Variants in LNX1 observed in about 807,000 individuals in gnomAD.
The protein encoded by LNX1 is ligand of numb-protein X 1.
Under a neutral mutation model 68.4 loss-of-function variants are expected in LNX1, and 54 were observed. That is an observed-to-expected ratio of 0.79 (90% confidence interval 0.63 to 0.99). The LOEUF (loss-of-function observed/expected upper bound fraction) is 0.99. Among genes scored for constraint, LNX1 ranks in the 50% least tolerant of loss-of-function variants. LNX1 has a pLI of 0.00. For missense variants in LNX1, 906 were observed against 926.4 expected (o/e 0.98, Z 0.29); for synonymous variants, 336 against 350.0 (o/e 0.96, Z 0.45).
intron 1 of LNX1, among the ~76,000 whole-genome samples, chr4:53,590,924 A>T (rs1209397672): frequency 1.3e-5 from 2 of 152,100 alleles, no homozygotes; most frequent in African/African-American, 2.4e-5. Flanking sequence ...GGGGGAAAGA[A>T]AAAAAAACTA....
chr4:53,515,297 A>G (rs1489620806), intron 2 of LNX1, among the ~76,000 whole-genome samples: 1 of 152,238 alleles, frequency 6.6e-6, no homozygotes, highest in Non-Finnish European at 1.5e-5. Flanking sequence ...ACAGAGCTAT[A>G]CAGTAAACAT....
rs1293832820 is a variant in LNX1, at chr4:53,461,694, T to C, written c.1893-101A>G. 3 of 891,608 alleles carry C rather than the reference T, an allele frequency of 3.4e-6. No individual in the cohort carries two copies. In the African/African-American group the frequency reaches 5.0e-5, roughly 15 times the overall value. The allele number at this position is 891,608 out of a possible 1,614,324, so 55.2% of individuals were successfully genotyped here. On this transcript the variant is annotated intron_variant, in intron 9 of 10. Coordinates refer to ENST00000263925, the MANE Select transcript of LNX1 (RefSeq NM_001126328.3). ...CCATTCCTTTTGTTGGCATTTTTAA[T>C]GGCTAAGTACCACTGCATAGGTCCC...
At chr4:53,551,411 C>T (rs896852872) in intron 2 of LNX1, among the ~76,000 whole-genome samples, 2 of 152,148 alleles carry the variant, frequency 1.3e-5, no homozygotes, top group East Asian at 1.9e-4. Flanking sequence ...AACTGGTGAT[C>T]AGCTTCCTAG....
At chr4:53,557,819 A>AC in intron 2 of LNX1, 1 of 1,605,924 alleles carries the variant, frequency 6.2e-7, no homozygotes, top group Non-Finnish European at 8.5e-7. Context: ...CTCGGGTCCC[A>AC]CCCCCAACAT....
intron 1 of LNX1, among the ~76,000 whole-genome samples, chr4:53,576,558 C>A (rs1731499805): frequency 1.3e-5 from 2 of 152,040 alleles, no homozygotes; most frequent in Admixed American, 1.3e-4. Flanking sequence ...ATTCTTCTGC[C>A]TTAAATCCCT....
upstream of LNX1, among the ~76,000 whole-genome samples, chr4:53,592,326 A>G (rs1311358102): frequency 6.6e-6 from 1 of 152,148 alleles, no homozygotes; most frequent in Non-Finnish European, 1.5e-5. Context: ...GTGGTGTGTG[A>G]CCCTGGACAA....
At chr4:53,575,361 G>A (rs1731416822) in intron 1 of LNX1, among the ~76,000 whole-genome samples, 1 of 152,168 alleles carries the variant, frequency 6.6e-6, no homozygotes, top group Non-Finnish European at 1.5e-5. Context: ...CAATAATCAA[G>A]TTTTTCAACA....
chr4:53,533,251 C>T (rs1448189424), intron 2 of LNX1, among the ~76,000 whole-genome samples: 1 of 152,110 alleles, frequency 6.6e-6, no homozygotes, highest in Non-Finnish European at 1.5e-5. Flanking sequence ...AAGAGAGGTC[C>T]AATAGAACAT....
intron 1 of LNX1, among the ~76,000 whole-genome samples, chr4:53,588,588 C>G (rs1490815795): frequency 6.6e-6 from 1 of 152,146 alleles, no homozygotes; most frequent in Non-Finnish European, 1.5e-5. Flanking sequence ...CCCAGTCCCC[C>G]CAGTCAGTCT....
At chr4:53,521,258 T>C (rs528128335) in intron 2 of LNX1, among the ~76,000 whole-genome samples, 5 of 152,302 alleles carry the variant, frequency 3.3e-5, no homozygotes, top group Admixed American at 6.5e-5. Flanking sequence ...GTGAAGTCTA[T>C]GCAACCCCAG....
chr4:53,579,243 C>G (rs1560678383), intron 1 of LNX1: 1 of 984,050 alleles, frequency 1.0e-6, no homozygotes, highest in Non-Finnish European at 1.2e-6. Context: ...GATTGATTCC[C>G]TCCTTACGTA....
intron 5 of LNX1, among the ~76,000 whole-genome samples, chr4:53,497,443 C>T (rs993119615): frequency 2.0e-5 from 3 of 152,238 alleles, no homozygotes; most frequent in African/African-American, 4.8e-5. Context: ...CACCTGTTCT[C>T]TGGTGCAGCT....
intron 2 of LNX1, among the ~76,000 whole-genome samples, chr4:53,559,165 C>T (rs766690663): frequency 1.3e-5 from 2 of 152,110 alleles, no homozygotes; most frequent in South Asian, 2.1e-4. Flanking sequence ...CAGGATGAGA[C>T]GAGTTGCAAT....
intron 2 of LNX1, among the ~76,000 whole-genome samples, chr4:53,569,984 G>A (rs1731027723): frequency 6.6e-6 from 1 of 152,202 alleles, no homozygotes; most frequent in Non-Finnish European, 1.5e-5. Context: ...ACACCAGTTA[G>A]AATGGCGATC....
chr4:53,585,009 G>A (rs184021664), intron 1 of LNX1, among the ~76,000 whole-genome samples: 41 of 151,908 alleles, frequency 2.7e-4, no homozygotes, highest in African/African-American at 7.5e-4. Flanking sequence ...TTGTCTTCCT[G>A]GGTAGTCCAG....
intron 5 of LNX1, 47 bp from the exon 6 acceptor site, chr4:53,496,441 C>G (rs763853431): frequency 1.5e-5 from 23 of 1,547,852 alleles, no homozygotes; most frequent in Non-Finnish European, 1.7e-5. Flanking sequence ...CCTGCCACAA[C>G]CCTTCCTGAA....
At chr4:53,561,731 A>G (rs1036567128) in intron 2 of LNX1, among the ~76,000 whole-genome samples, 1 of 152,180 alleles carries the variant, frequency 6.6e-6, no homozygotes, top group African/African-American at 2.4e-5. Flanking sequence ...TCTTGGGCCA[A>G]TTACATCACG....
chr4:53,645,122 T>G (rs1360682063), intron 1 of LNX1, among the ~76,000 whole-genome samples: 7 of 152,158 alleles, frequency 4.6e-5, no homozygotes, highest in Admixed American at 3.3e-4. Flanking sequence ...AACTCTATTT[T>G]TGCCTGTGTT....
At chr4:53,600,342 G>A (rs575970507) in intron 2 of LNX1, among the ~76,000 whole-genome samples, 17 of 152,266 alleles carry the variant, frequency 1.1e-4, no homozygotes, top group African/African-American at 4.1e-4. Context: ...GAGTGGGAAA[G>A]GCAAAAGCCA....
Sources: allele counts gnomAD v4.1 joint callset (sites outside exome capture counted in the v4.1 genomes callset), GRCh38; gene constraint gnomAD v4.1.1; transcripts MANE v1.5; gene names NCBI Gene and HGNC (gene_info 2026-07-23, HGNC 2026-07-21).